ITPR3: variants seen among roughly 807,000 people sequenced by gnomAD.
The protein encoded by ITPR3 is inositol 1,4,5-trisphosphate-gated calcium channel ITPR3.
In ITPR3, 173 loss-of-function variants were observed where a neutral mutation model predicts 293.2. The ratio of observed to expected loss-of-function variants is 0.59; its 90% CI spans 0.52 to 0.67. ITPR3 has a LOEUF of 0.67. Ranked by LOEUF, ITPR3 falls within the 30% of genes least tolerant of loss-of-function variation. The pLI, the probability that ITPR3 is intolerant of heterozygous loss-of-function variation, is 0.00. For missense variants in ITPR3, 2,796 were observed against 3,592.1 expected (o/e 0.78, Z 5.66); for synonymous variants, 1,295 against 1,444.4 (o/e 0.90, Z 2.35).
At position 33,675,620 on chromosome 6, in the gene ITPR3, C is replaced by T. The variant is rs1764883676; in HGVS notation, c.3117-71C>T. 1.1e-5 allele frequency: 16 copies of T among 1,490,032 alleles called. No individual in the cohort carries two copies. Among genetic ancestry groups the T allele is most frequent in the African/African-American group, 1.4e-5 (1 of 70,972 alleles). The allele number at this position is 1,490,032 out of a possible 1,614,324, so 92.3% of individuals were successfully genotyped here. On this transcript the variant is annotated intron_variant, in intron 24 of 57. Transcript: ENST00000605930. This position sits in a 1 kb window ranked among gnomAD's most constrained non-coding sequence, Gnocchi z 5.0. ...GGCGGAGAGTGTGCTTGTGCCAGGG[C>T]CCCTTACCCACCACGGACAGCAGGG...
Position 33,691,894 on chromosome 6 carries a change from G to A in ITPR3, c.7424G>A (p.Gly2475Asp). 2 of 1,614,130 alleles carry A rather than the reference G, an allele frequency of 1.2e-6. No homozygotes were observed. The highest frequency in any genetic ancestry group is 1.7e-6 in the Non-Finnish European group (2 of 1,180,024). The change falls in exon 54 of 58, where the codon GGC (glycine) becomes GAC (aspartate). Residue 2475 changes from glycine (G) to aspartate (D), a missense_variant. This residue lies in a region of ITPR3 where 568 missense variants were observed against 796.1 expected (regional missense o/e 0.71). Transcript: ENST00000605930. The surrounding 1 kb of genome is among the most constrained non-coding windows in gnomAD (Gnocchi z 4.9). ...AACCATGGGCTACGCAACGGTGGTGGCGTGGGCGACATTCTCCGCAAGCCC... is the reference window on the plus strand; with the variant it reads ...AACCATGGGCTACGCAACGGTGGTGACGTGGGCGACATTCTCCGCAAGCCC... ...VMNHGLRNGGGVGDILRKPSK... is the reference protein window; with the variant it reads ...VMNHGLRNGGDVGDILRKPSK...
intron 3 of ITPR3, 110 bp from the exon 4 acceptor site, chr6:33,657,821 GT>G: frequency 5.1e-6 from 4 of 791,964 alleles, no homozygotes; most frequent in Non-Finnish European, 4.1e-6. Flanking sequence ...GTGACTGTGT[GT>G]GTGTGTGTGT....
Position 33,633,339 on chromosome 6 carries a change from G to C in ITPR3, c.90-7145G>C, listed in dbSNP as rs938959061. 3.3e-5 allele frequency among the ~76,000 whole-genome samples: 5 copies of C among 152,198 alleles called. No individual in the cohort carries two copies. The highest frequency in any genetic ancestry group is 2.6e-4 in the Admixed American group (4 of 15,282). On this transcript the variant is annotated intron_variant, in intron 1 of 57. Transcript: ENST00000605930. The surrounding 1 kb of genome is among the most constrained non-coding windows in gnomAD (Gnocchi z 5.2). The stretch of plus-strand genomic sequence containing the variant: ...CTTGTGGGGAGGCGTTGGCGAGAGG[G>C]GGGTGAAGCGAAGCGGCCACTTACC...
At chr6:33,674,320 C>A in intron 24 of ITPR3, 55 bp downstream of exon 24, 1 of 1,556,922 alleles carries the variant, frequency 6.4e-7, no homozygotes, top group South Asian at 1.1e-5. Context: ...TCGACACCCC[C>A]TCTTGGTCTG....
At position 33,685,833 on chromosome 6, in the gene ITPR3, T is replaced by G. The variant is rs1228440165; in HGVS notation, c.5667+6T>G. On this transcript the variant is annotated splice_donor_region_variant and intron_variant, in intron 41 of 57. Coordinates refer to ENST00000605930, the MANE Select transcript of ITPR3 (RefSeq NM_002224.4). ...ACCACAACCGGGACCTGCAGGTGAGTGCCTCGCCACACACCTGCCCCTTCC... is the reference window on the plus strand; with the variant it reads ...ACCACAACCGGGACCTGCAGGTGAGGGCCTCGCCACACACCTGCCCCTTCC... 6.4e-7 allele frequency: 1 copy of G among 1,558,848 alleles called. No homozygotes were observed. Among genetic ancestry groups the G allele is most frequent in the Non-Finnish European group, 8.7e-7 (1 of 1,148,736 alleles).
At position 33,680,592 on chromosome 6, in the gene ITPR3, C is replaced by T; in HGVS notation, c.4388C>T (p.Thr1463Ile). 5.6e-6 allele frequency: 9 copies of T among 1,614,150 alleles called. No individual in the cohort carries two copies. The Middle Eastern group carries it at 1.2e-3, about 207-fold the overall frequency. Residue 1463 changes from threonine (T) to isoleucine (I), a missense_variant, in exon 33 of 58, where the codon ACC becomes ATC. Physicochemically the swap from Thr to Ile is moderately conservative, Grantham distance 89 (BLOSUM62 -1). Around this residue, in one of 8 missense-constraint regions of ITPR3, gnomAD observed 344 missense variants for 460.3 expected, o/e 0.75. Transcript: ENST00000605930. Reference sequence around the variant, plus strand: ...CGTGAGAAGCGCGTGGCTGACCCCACCTTGGAGAAGTACGTGCTGAGCGTT... The same window carrying T: ...CGTGAGAAGCGCGTGGCTGACCCCATCTTGGAGAAGTACGTGCTGAGCGTT... The part of the protein sequence containing the change: ...SKREKRVADP[T>I]LEKYVLSVVL...
At position 33,684,017 on chromosome 6, in the gene ITPR3, C is replaced by G. The variant is rs1043320278; in HGVS notation, c.4789-3C>G. 21 of 1,601,052 alleles carry G rather than the reference C, an allele frequency of 1.3e-5. No homozygotes were observed. In the East Asian group the frequency reaches 4.5e-4, roughly 34 times the overall value. On this transcript the variant is annotated splice_polypyrimidine_tract_variant and splice_region_variant and intron_variant, in intron 35 of 57. Transcript: ENST00000605930. The surrounding 1 kb of genome is among the most constrained non-coding windows in gnomAD (Gnocchi z 4.2). ...GGCAATGACTCTGCCCTGCCCACCC[C>G]AGGACATCATCACAGCCCTGGAGGA... is the stretch of plus-strand genomic sequence containing the variant.
chr6:33,651,328 C>G (rs924198205), intron 2 of ITPR3, among the ~76,000 whole-genome samples: 1 of 151,372 alleles, frequency 6.6e-6, no homozygotes, highest in Non-Finnish European at 1.5e-5. Context: ...GATGAAGGTA[C>G]CTTCCTCCAG....
Position 33,680,375 on chromosome 6 carries a change from C to T in ITPR3, c.4271C>T (p.Thr1424Met), listed in dbSNP as rs1561875704. 6.7e-7 allele frequency: 1 copy of T among 1,494,754 alleles called. No homozygotes were observed. 92.6% of individuals were successfully genotyped at this position (1,494,754 alleles called of 1,614,324 possible). The stretch of plus-strand genomic sequence containing the variant: ...TTCGTGAACCACTGCTACGTGGACA[C>T]GGAGGTGGAGATGAAGGAGATCTAC... The part of the protein sequence containing the change: ...VNFVNHCYVD[T>M]EVEMKEIYTS... Residue 1424 changes from threonine (T) to methionine (M), a missense_variant, in exon 32 of 58, where the codon ACG becomes ATG. Thr to Met is a moderately conservative substitution (Grantham distance 81). Coordinates refer to ENST00000605930, the MANE Select transcript of ITPR3 (RefSeq NM_002224.4).
chr6:33,695,122 T>TCTATCCCTGGGCA (rs762495883), intron 57 of ITPR3, 37 bp downstream of exon 57: 3 of 1,608,550 alleles, frequency 1.9e-6, no homozygotes. Flanking sequence ...CACCCTGGGT[T>TCTATCCCTGGGCA]CTATCCCTGG....
At chr6:33,677,402 C>A in intron 27 of ITPR3, 102 bp from the exon 28 acceptor site, 1 of 1,531,848 alleles carries the variant, frequency 6.5e-7, no homozygotes, top group Non-Finnish European at 8.9e-7. Context: ...CTCCTTCCCC[C>A]TTCCTGTCCC....
chr6:33,680,570 G>A lies in ITPR3; in HGVS notation c.4366G>A (p.Glu1456Lys), dbSNP rs143807796. 99 of 1,613,998 alleles carry A rather than the reference G, an allele frequency of 6.1e-5. No individual in the cohort carries two copies. The African/African-American group carries it at 9.6e-4, about 16-fold the overall frequency. ...LDMARVCSKR[E>K]KRVADPTLEK... ...CCTGCCTCAGGTCTGCAGCAAGCGT[G>A]AGAAGCGCGTGGCTGACCCCACCTT... Residue 1456 changes from glutamate to lysine, a missense_variant, in exon 33 of 58, where the codon GAG becomes AAG. Glu to Lys is a moderately conservative substitution (Grantham distance 56, BLOSUM62 1). Transcript: ENST00000605930.
chr6:33,686,414 C>G lies in ITPR3; in HGVS notation c.5874C>G (p.Cys1958Trp). ...CQGPCHENQT[C>W]IVTHESNGID... is the part of the protein sequence containing the mutation. ...CCCCCACTGCCTCCTGCCAGACTTG[C>G]ATTGTGACTCACGAGTCCAATGGCA... Residue 1958 changes from cysteine (C) to tryptophan (W), a missense_variant, in exon 43 of 58, where the codon TGC becomes TGG. Cys to Trp is a radical substitution (Grantham distance 215). This residue lies in a region of ITPR3 where 704 missense variants were observed against 797.5 expected (regional missense o/e 0.88). Transcript: ENST00000605930. 6.2e-7 allele frequency: 1 copy of G among 1,613,854 alleles called. No homozygotes were observed. Among genetic ancestry groups the G allele is most frequent in the African/African-American group, 1.3e-5 (1 of 75,050 alleles).
In ITPR3 at chr6:33,633,065, T is replaced by C. The variant is rs1165259126; in HGVS notation, c.90-7419T>C. ...GGATGTAAAAACGATTGATAAACTA[T>C]AGAGTCGCGCGATGGAGGGGCAGTT... On this transcript the variant is annotated intron_variant, in intron 1 of 57. Transcript: ENST00000605930. The surrounding 1 kb of genome is among the most constrained non-coding windows in gnomAD (Gnocchi z 5.2). Among the ~76,000 whole-genome samples the C allele has an allele frequency of 1.3e-5, 2 of 152,118 alleles. No individual in the cohort carries two copies. Among genetic ancestry groups the C allele is most frequent in the Non-Finnish European group, 2.9e-5 (2 of 67,996 alleles).
Position 33,684,948 on chromosome 6 carries a change from G to C in ITPR3, c.5307+5G>C, listed in dbSNP as rs746586141. ...GGTGGCAACACAGAGATCCAGGTGT[G>C]GGGGGCCTGGGGCCTGGACATGCCC... On this transcript the variant is annotated splice_donor_5th_base_variant and intron_variant, in intron 39 of 57. Coordinates refer to ENST00000605930, the MANE Select transcript of ITPR3 (RefSeq NM_002224.4). The surrounding 1 kb of genome is among the most constrained non-coding windows in gnomAD (Gnocchi z 4.2). The C allele has an allele frequency of 1.9e-6, 3 of 1,601,922 alleles. No individual in the cohort carries two copies. Among genetic ancestry groups the C allele is most frequent in the Admixed American group, 3.4e-5 (2 of 59,448 alleles).
chr6:33,631,172 G>A (rs973401864), intron 1 of ITPR3, among the ~76,000 whole-genome samples: 4 of 152,244 alleles, frequency 2.6e-5, no homozygotes, highest in Non-Finnish European at 5.9e-5. Flanking sequence ...CTAGCCCTAC[G>A]GGGCTTAGTG....
Position 33,680,557 on chromosome 6 carries a change from C to G in ITPR3, c.4353C>G (p.Val1451=), listed in dbSNP as rs773761440. ...FENFTLDMAR[V]CSKREKRVAD... is the part of the protein sequence containing the mutation. ...GCCATCCCTCTCTCCTGCCTCAGGT[C>G]TGCAGCAAGCGTGAGAAGCGCGTGG... is the stretch of plus-strand genomic sequence containing the variant. Residue 1451 remains valine (V), a splice_region_variant and synonymous_variant, in exon 33 of 58, where the codon GTC becomes GTG. Transcript: ENST00000605930. The G allele has an allele frequency of 6.2e-7, 1 of 1,613,748 alleles. No individual in the cohort carries two copies. Among genetic ancestry groups the G allele is most frequent in the South Asian group, 1.1e-5 (1 of 91,070 alleles).
chr6:33,644,266 C>T (rs1764016131), intron 2 of ITPR3, among the ~76,000 whole-genome samples: 1 of 151,530 alleles, frequency 6.6e-6, no homozygotes, highest in Admixed American at 6.6e-5. Context: ...CTTTTTGCTA[C>T]GTTTATTTCA....
Position 33,686,034 on chromosome 6 carries a change from AC to A in ITPR3, c.5668-16del, listed in dbSNP as rs1170439841. Reference sequence around the variant, plus strand: ...CCGTGCTGTAGCTGTGCTGTGCCCAACCCTTCTGTGCCCCGCAGAACTTCCT... The same window carrying A: ...CCGTGCTGTAGCTGTGCTGTGCCCAACCTTCTGTGCCCCGCAGAACTTCCT... On this transcript the variant is annotated intron_variant, in intron 41 of 57. Transcript: ENST00000605930. 4 of 1,613,310 alleles carry A rather than the reference AC, an allele frequency of 2.5e-6. No individual in the cohort carries two copies. The highest frequency in any genetic ancestry group is 3.4e-6 in the Non-Finnish European group (4 of 1,179,788).
Sources: allele counts gnomAD v4.1 joint callset (sites outside exome capture counted in the v4.1 genomes callset), GRCh38; gene constraint gnomAD v4.1.1; regional missense constraint gnomAD v4.1.1; non-coding constraint Gnocchi (gnomAD v3.1); transcripts MANE v1.5; gene names NCBI Gene and HGNC (gene_info 2026-07-23, HGNC 2026-07-21).